Variants in RAB40A observed in about 807,000 individuals in gnomAD.
The protein encoded by RAB40A is ras-related protein Rab-40A.
For synonymous variants in RAB40A, 65 were observed against 99.9 expected, an observed-to-expected ratio of 0.65 and a Z score of 2.08; for missense variants, 145 against 230.2, an observed-to-expected ratio of 0.63 and a Z score of 2.40.
chrX:103,495,579 A>G (rs1044081054), downstream of RAB40A, among the ~76,000 whole-genome samples: 5 of 111,979 alleles, frequency 4.5e-5, no homozygotes, highest in Non-Finnish European at 7.5e-5. Flanking sequence ...GACATTTTAT[A>G]TAAGTGAAAT....
Position 103,508,216 on chromosome X carries a change from A to G in RAB40A, c.-70-7390T>C, listed in dbSNP as rs542733221. On this transcript the variant is annotated intron_variant, in intron 2 of 2. Coordinates refer to ENST00000304236, the MANE Select transcript of RAB40A (RefSeq NM_080879.3). ...CTTCCTCATCACCCAGAGGGGTTGT[A>G]GAGTAAGGACCTGTGGGGCCACAAT... 2.7e-5 allele frequency among the ~76,000 whole-genome samples: 3 copies of G among 111,890 alleles called. No homozygotes were observed. The South Asian group carries it at 1.1e-3, about 42-fold the overall frequency.
chrX:103,494,640 G>A (rs776496986), downstream of RAB40A, among the ~76,000 whole-genome samples: 9 of 111,853 alleles, frequency 8.0e-5, no homozygotes, highest in South Asian at 7.4e-4. Context: ...ATTCTTCTGC[G>A]TATGGATTTC....
chrX:103,507,184 C>T (rs2073260072), intron 2 of RAB40A, among the ~76,000 whole-genome samples: 1 of 111,282 alleles, frequency 9.0e-6, no homozygotes, highest in Non-Finnish European at 1.9e-5. Context: ...TGGCTTCCAG[C>T]TTCATCCATG....
At chrX:103,505,749 A>G (rs886594614) in intron 2 of RAB40A, among the ~76,000 whole-genome samples, 1 of 111,811 alleles carries the variant, frequency 8.9e-6, no homozygotes, top group Non-Finnish European at 1.9e-5. Context: ...GTTTTGAAAG[A>G]CAATCTTTAA....
chrX:103,511,066 T>C (rs1265286193), intron 2 of RAB40A, among the ~76,000 whole-genome samples: 2 of 111,486 alleles, frequency 1.8e-5, no homozygotes, highest in Non-Finnish European at 3.8e-5. Flanking sequence ...AAAAATAGAG[T>C]CTTTGACATG....
intron 2 of RAB40A, chrX:103,502,732 A>G (rs1175680811): frequency 9.3e-5 from 71 of 763,353 alleles, no homozygotes; most frequent in Non-Finnish European, 1.0e-4. Flanking sequence ...GTGAGGGATG[A>G]AACCTCATTC....
In RAB40A at chrX:103,500,323, G is replaced by A; in HGVS notation, c.434C>T (p.Ala145Val). 1 of 1,212,022 alleles carries A rather than the reference G, an allele frequency of 8.3e-7. No homozygotes were observed. Among genetic ancestry groups the A allele is most frequent in the African/African-American group, 1.7e-5 (1 of 57,901 alleles). ...AAAGAAGGTCACACCCAGGCGCTCGGCGTAGGCCTGGGCCTGCTCCCTGGG... is the reference window on the plus strand; with the variant it reads ...AAAGAAGGTCACACCCAGGCGCTCGACGTAGGCCTGGGCCTGCTCCCTGGG... Reference protein sequence around the residue: ...QVPREQAQAYAERLGVTFFEV... With the variant: ...QVPREQAQAYVERLGVTFFEV... Residue 145 changes from alanine (A) to valine (V), a missense_variant, in exon 3 of 3, where the codon GCC (alanine) becomes GTC (valine). Transcript: ENST00000304236.
At chrX:103,504,550 C>G (rs2073245033) in intron 2 of RAB40A, among the ~76,000 whole-genome samples, 1 of 111,324 alleles carries the variant, frequency 9.0e-6, no homozygotes, top group South Asian at 3.8e-4. Flanking sequence ...TTTGGACAGT[C>G]TTGCTCTGAC....
In RAB40A at chrX:103,500,743, C is replaced by T; in HGVS notation, c.14G>A (p.Gly5Asp). The T allele has an allele frequency of 8.3e-7, 1 of 1,209,833 alleles. No individual in the cohort carries two copies. Among genetic ancestry groups the T allele is most frequent in the East Asian group, 3.0e-5 (1 of 33,827 alleles). MSAP[G>D]SPDQAYDFLL... ...GAAGTCATAGGCCTGGTCGGGGCTG[C>T]CCGGGGCGCTCATGGTGCTGGCCCC... is the stretch of plus-strand genomic sequence containing the variant. Residue 5 changes from glycine to aspartate, a missense_variant, in exon 3 of 3, where the codon GGC becomes GAC. Transcript: ENST00000304236.
Position 103,500,619 on chromosome X carries a change from G to A in RAB40A, c.138C>T (p.Leu46=), listed in dbSNP as rs149510205. 1 of 1,211,188 alleles carries A rather than the reference G, an allele frequency of 8.3e-7. No individual in the cohort carries two copies. Among genetic ancestry groups the A allele is most frequent in the Admixed American group, 2.2e-5 (1 of 46,026 alleles). The stretch of plus-strand genomic sequence containing the variant: ...TGGTCGTCTTGTAGTCGATCCCCCC[G>A]AGATGGCTGTACGGGGACTCAGCTG... ...DGAAESPYSH[L]GGIDYKTTTI... Residue 46 remains leucine, a synonymous_variant, in exon 3 of 3, where the codon CTC becomes CTT. Transcript: ENST00000304236.
chrX:103,503,732 C>T (rs1423807006), intron 2 of RAB40A, among the ~76,000 whole-genome samples: 1 of 110,897 alleles, frequency 9.0e-6, no homozygotes, highest in African/African-American at 3.3e-5. Context: ...ATTCACCTAA[C>T]GATAGCAATC....
chrX:103,496,943 G>T (rs1170405386), downstream of RAB40A, among the ~76,000 whole-genome samples: 2 of 111,855 alleles, frequency 1.8e-5, no homozygotes, highest in African/African-American at 3.3e-5. Flanking sequence ...ACAAAGGGGT[G>T]GCTGTTGGTT....
chrX:103,513,097 G>C (rs185406220), intron 2 of RAB40A, among the ~76,000 whole-genome samples: 1 of 111,797 alleles, frequency 8.9e-6, no homozygotes, highest in Non-Finnish European at 1.9e-5. Context: ...ACAGACACCC[G>C]GGGGAAGGGC....
intron 2 of RAB40A, among the ~76,000 whole-genome samples, chrX:103,512,494 G>A (rs1334447187): frequency 3.6e-5 from 4 of 111,268 alleles, no homozygotes; most frequent in Non-Finnish European, 7.5e-5. Context: ...GGAAACAACC[G>A]CTCCTCTTTA....
chrX:103,500,633 G>A lies in RAB40A; in HGVS notation c.124C>T (p.Pro42Ser), dbSNP rs1392747845. 9 of 1,208,338 alleles carry A rather than the reference G, an allele frequency of 7.4e-6. No homozygotes were observed. The East Asian group carries it at 2.4e-4, about 32-fold the overall frequency. The change falls in exon 3 of 3, where the codon CCG becomes TCG. Residue 42 changes from proline to serine, a missense_variant. Pro to Ser is a moderately conservative substitution (Grantham distance 74, BLOSUM62 -1). Transcript: ENST00000304236. The part of the protein sequence containing the change: ...ESLQDGAAES[P>S]YSHLGGIDYK... ...TCGATCCCCCCGAGATGGCTGTACGGGGACTCAGCTGCACCATCCTGCAGG... is the reference window on the plus strand; with the variant it reads ...TCGATCCCCCCGAGATGGCTGTACGAGGACTCAGCTGCACCATCCTGCAGG...
Position 103,500,809 on chromosome X carries a change from G to C in RAB40A, c.-53C>G, listed in dbSNP as rs1603128327. 13 of 1,169,572 alleles carry C rather than the reference G, an allele frequency of 1.1e-5. No homozygotes were observed. In the African/African-American group the frequency reaches 2.2e-4, roughly 20 times the overall value. On this transcript the variant is annotated 5_prime_UTR_variant, in exon 3 of 3. Transcript: ENST00000304236. ...CCAGGCCCGCGGGGTTGTGCGCAGA[G>C]GTGGTGCCGGGCCTGTTCTTCTTGA... is the stretch of plus-strand genomic sequence containing the variant.
At chrX:103,505,164 T>G (rs187591277) in intron 2 of RAB40A, among the ~76,000 whole-genome samples, 41 of 112,515 alleles carry the variant, frequency 3.6e-4, no homozygotes, top group African/African-American at 1.3e-3. Flanking sequence ...CCTTGTGAGA[T>G]ATATCCATGA....
chrX:103,510,933 C>G (rs963389823), intron 2 of RAB40A, among the ~76,000 whole-genome samples: 1 of 111,835 alleles, frequency 8.9e-6, no homozygotes, highest in Non-Finnish European at 1.9e-5. Context: ...TGATAATTAT[C>G]AATTTTAATT....
chrX:103,497,913 T>C (rs778543557), downstream of RAB40A, among the ~76,000 whole-genome samples: 110 of 111,871 alleles, frequency 9.8e-4, no homozygotes, highest in Non-Finnish European at 1.8e-3. Context: ...ATGGACCAGT[T>C]TGCAATAAAA....
Sources: gnomAD v4.1 joint callset for allele counts (sites outside exome capture counted in the v4.1 genomes callset) on GRCh38, gnomAD v4.1.1 for gene constraint, MANE v1.5 for transcripts, NCBI Gene and HGNC (gene_info 2026-07-23, HGNC 2026-07-21) for gene names.